Variants in MAGI2 observed in about 807,000 individuals in gnomAD.
MAGI2 encodes membrane-associated guanylate kinase, WW and PDZ domain-containing protein 2.
MAGI2 carries 35 observed loss-of-function variants against 133.3 expected under a neutral mutation model. The observed-to-expected ratio is 0.26, with a 90% CI of 0.20 to 0.35. The LOEUF (loss-of-function observed/expected upper bound fraction) is 0.35, where lower values mean the gene tolerates loss of function less well. Ranked by LOEUF, MAGI2 falls within the 10% of genes least tolerant of loss-of-function variation. MAGI2 has a pLI of 1.00. For missense variants in MAGI2, 1,636 were observed against 1,863.4 expected (o/e 0.88, Z 2.25); for synonymous variants, 729 against 710.6 (o/e 1.03, Z -0.41).
chr7:78,565,020 C>T (rs188612807), intron 3 of MAGI2, among the ~76,000 whole-genome samples: 1 of 151,930 alleles, frequency 6.6e-6, no homozygotes, highest in Admixed American at 6.6e-5. Flanking sequence ...GTCTTGATCT[C>T]CTGACCTTGT....
At chr7:78,901,596 G>T (rs913842416) in intron 2 of MAGI2, 1 of 152,030 alleles carries the variant, frequency 6.6e-6, no homozygotes, top group African/African-American at 2.4e-5. Flanking sequence ...TGACACCAGA[G>T]ATGGTGAGAA....
chr7:78,807,955 T>G (rs1788725525), intron 2 of MAGI2, among the ~76,000 whole-genome samples: 1 of 152,182 alleles, frequency 6.6e-6, no homozygotes, highest in Non-Finnish European at 1.5e-5. Flanking sequence ...TGCCCCAGAC[T>G]TAGGTCTGGC....
In MAGI2 at chr7:79,028,328, CATAT is replaced by C. The variant is rs57985330; in HGVS notation, c.302-21126_302-21123del. 8.6e-5 allele frequency among the ~76,000 whole-genome samples: 10 copies of C among 116,396 alleles called. No homozygotes were observed. In the East Asian group the frequency reaches 1.4e-3, roughly 16 times the overall value. The allele number at this position is 116,396 out of a possible 152,430, so 76.4% of individuals were successfully genotyped here. A position where few individuals can be genotyped will look rare whatever the true frequency, so the allele number is the denominator to read the frequency against. ...ATATATATATACACACATATATATA[CATAT>C]ATATACACACACACACACACACATA... On this transcript the variant is annotated intron_variant, in intron 1 of 21. Transcript: ENST00000354212.
chr7:79,204,171 C>T (rs1472935825), intron 1 of MAGI2, among the ~76,000 whole-genome samples: 1 of 152,052 alleles, frequency 6.6e-6, no homozygotes, highest in Non-Finnish European at 1.5e-5. Flanking sequence ...GCACTAGGTA[C>T]CCATGGCCTC....
At chr7:78,208,155 T>TTTTTTTTTTAA in intron 10 of MAGI2, among the ~76,000 whole-genome samples, 1 of 145,250 alleles carries the variant, frequency 6.9e-6, no homozygotes, top group Non-Finnish European at 1.5e-5. Flanking sequence ...TTTTTTTTTT[T>TTTTTTTTTTAA]AATATGGGGA....
chr7:78,569,365 A>G (rs1801273444), intron 3 of MAGI2, among the ~76,000 whole-genome samples: 1 of 152,234 alleles, frequency 6.6e-6, no homozygotes, highest in African/African-American at 2.4e-5. Flanking sequence ...TGAATGGATC[A>G]CATGTTCCCA....
intron 2 of MAGI2, among the ~76,000 whole-genome samples, chr7:78,983,146 CTGG>C (rs1804933935): frequency 6.6e-6 from 1 of 151,786 alleles, no homozygotes; most frequent in Non-Finnish European, 1.5e-5. Flanking sequence ...TGGTTTCTTT[CTGG>C]CTTTTAAAAT....
At chr7:78,155,870 T>C (rs1018106906) in intron 16 of MAGI2, among the ~76,000 whole-genome samples, 2 of 152,182 alleles carry the variant, frequency 1.3e-5, no homozygotes, top group Non-Finnish European at 2.9e-5. Context: ...CATTACTAAA[T>C]GCCAGCAAAT....
chr7:78,712,351 C>T (rs1232803480), intron 2 of MAGI2, among the ~76,000 whole-genome samples: 1 of 152,126 alleles, frequency 6.6e-6, no homozygotes, highest in Non-Finnish European at 1.5e-5. Flanking sequence ...AAGCTATTTC[C>T]AAACAAATTT....
intron 2 of MAGI2, among the ~76,000 whole-genome samples, chr7:78,897,002 G>A (rs1797265127): frequency 6.6e-6 from 1 of 152,090 alleles, no homozygotes; most frequent in South Asian, 2.1e-4. Context: ...CAGAATACTT[G>A]TTCAAGGAAT....
At chr7:78,394,014 C>A (rs762715755) in intron 6 of MAGI2, among the ~76,000 whole-genome samples, 18 of 152,042 alleles carry the variant, frequency 1.2e-4, no homozygotes, top group Non-Finnish European at 2.2e-4. Context: ...CAGTGTAATT[C>A]AGTTTGAGTT....
intron 1 of MAGI2, among the ~76,000 whole-genome samples, chr7:79,275,537 G>T (rs1020543400): frequency 6.6e-6 from 1 of 152,202 alleles, no homozygotes; most frequent in African/African-American, 2.4e-5. Flanking sequence ...ATGTGAAGCT[G>T]CAGCAAGTTA....
intron 2 of MAGI2, among the ~76,000 whole-genome samples, chr7:78,745,649 G>A (rs1411660058): frequency 6.6e-6 from 1 of 152,116 alleles, no homozygotes; most frequent in Non-Finnish European, 1.5e-5. Flanking sequence ...CTCAGAATTG[G>A]CAGTTAATCA....
intron 1 of MAGI2, among the ~76,000 whole-genome samples, chr7:79,264,079 G>A (rs1411405596): frequency 6.6e-6 from 1 of 152,076 alleles, no homozygotes; most frequent in Non-Finnish European, 1.5e-5. Context: ...AGAAAATATC[G>A]AGAACATCCT....
chr7:78,565,304 T>A (rs1333894104), intron 3 of MAGI2, among the ~76,000 whole-genome samples: 6 of 151,662 alleles, frequency 4.0e-5, no homozygotes, highest in East Asian at 2.0e-4. Context: ...TCAAAAAAAA[T>A]TTTTTTAAAA....
intron 1 of MAGI2, among the ~76,000 whole-genome samples, chr7:79,216,553 C>A (rs1373073801): frequency 6.6e-6 from 1 of 151,916 alleles, no homozygotes; most frequent in African/African-American, 2.4e-5. Context: ...AGGCACCTAC[C>A]CCTAGACACT....
At chr7:79,311,169 C>A (rs2129560651) in intron 1 of MAGI2, among the ~76,000 whole-genome samples, 1 of 152,214 alleles carries the variant, frequency 6.6e-6, no homozygotes, top group East Asian at 1.9e-4. Flanking sequence ...GTTGCTAAAA[C>A]CAATGATCAA....
intron 6 of MAGI2, among the ~76,000 whole-genome samples, chr7:78,454,523 C>A (rs747161124): frequency 3.0e-4 from 45 of 152,126 alleles, no homozygotes; most frequent in Non-Finnish European, 5.1e-4. Flanking sequence ...TTCTTACAAC[C>A]CTAAACACGG....
At chr7:78,840,757 A>C (rs1792065989) in intron 2 of MAGI2, among the ~76,000 whole-genome samples, 1 of 152,016 alleles carries the variant, frequency 6.6e-6, no homozygotes, top group African/African-American at 2.4e-5. Flanking sequence ...ATTTGCAAAC[A>C]GACAAGAGTT....
Sources: gnomAD v4.1 joint callset for allele counts (sites outside exome capture counted in the v4.1 genomes callset) on GRCh38, gnomAD v4.1.1 for gene constraint, MANE v1.5 for transcripts, NCBI Gene and HGNC (gene_info 2026-07-23, HGNC 2026-07-21) for gene names.